CUX2: variants seen among roughly 807,000 people sequenced by gnomAD.
The protein encoded by CUX2 is homeobox protein cut-like 2.
A neutral mutation model predicts 144.8 loss-of-function variants in CUX2; 40 were observed. That is an observed-to-expected ratio of 0.28 (90% CI 0.21 to 0.36). CUX2 has a LOEUF of 0.36. Ranked by LOEUF, CUX2 falls within the 10% of genes least tolerant of loss-of-function variation. The pLI is 1.00. For synonymous variants in CUX2, 827 were observed against 875.6 expected, an observed-to-expected ratio of 0.94 and a Z score of 0.98; for missense variants, 1,615 against 1,994.0, an observed-to-expected ratio of 0.81 and a Z score of 3.62.
In CUX2 at chr12:111,310,422, G is replaced by A. The variant is rs2136373939; in HGVS notation, c.1640G>A (p.Gly547Glu). The A allele has an allele frequency of 6.2e-7, 1 of 1,612,124 alleles. No individual in the cohort carries two copies. Among genetic ancestry groups the A allele is most frequent in the Non-Finnish European group, 8.5e-7 (1 of 1,179,578 alleles). Residue 547 changes from glycine (G) to glutamate (E), a missense_variant, in exon 15 of 22, where the codon GGG becomes GAG. This residue lies in a region of CUX2 where 154 missense variants were observed against 148.4 expected (regional missense o/e 1.04). Coordinates refer to ENST00000261726, the MANE Select transcript of CUX2 (RefSeq NM_015267.4). This position sits in a 1 kb window ranked among gnomAD's most constrained non-coding sequence, Gnocchi z 7.9. ...GGTGGGGGCGGAGCGGCGGGGCCCG[G>A]GGCAGAGGAGGAGCAGCTGGACACG... is the stretch of plus-strand genomic sequence containing the variant. ...DGGGGGAAGP[G>E]AEEEQLDTAE...
intron 1 of CUX2, among the ~76,000 whole-genome samples, chr12:111,047,437 C>CT (rs1397811666): frequency 6.6e-6 from 1 of 152,098 alleles, no homozygotes; most frequent in Non-Finnish European, 1.5e-5. Flanking sequence ...CTTATAAGCT[C>CT]TTTCTTTCCA....
Position 111,171,954 on chromosome 12 carries a change from TGTGC to T in CUX2, c.64-42241_64-42238del, listed in dbSNP as rs1878549428. ...CTGTGCCTGTGTACACGTGCGTGTG[TGTGC>T]GTGCATGTGCATGCACCTGTGTGTG... is the stretch of plus-strand genomic sequence containing the variant. On this transcript the variant is annotated intron_variant, in intron 1 of 21. Transcript: ENST00000261726. This position sits in a 1 kb window ranked among gnomAD's most constrained non-coding sequence, Gnocchi z 5.0. Among the ~76,000 whole-genome samples the T allele has an allele frequency of 2.0e-5, 3 of 152,204 alleles. No homozygotes were observed. The highest frequency in any genetic ancestry group is 6.5e-5 in the Admixed American group (1 of 15,286).
intron 1 of CUX2, among the ~76,000 whole-genome samples, chr12:111,054,927 C>T (rs1443551824): frequency 6.6e-6 from 1 of 152,142 alleles, no homozygotes; most frequent in East Asian, 1.9e-4. Flanking sequence ...ACACCCGGCC[C>T]TAGACACTCT....
Position 111,266,021 on chromosome 12 carries a change from G to A in CUX2, c.301+2182G>A, listed in dbSNP as rs117097343. Among the ~76,000 whole-genome samples, 825 of 152,330 alleles carry A rather than the reference G, an allele frequency of 5.4e-3. 5 individuals carry two copies. The highest frequency in any genetic ancestry group is 9.7e-3 in the Non-Finnish European group (661 of 68,024). ...CACTGTTCCTCTGTCTGGGGCAACTGTAGTGGGTTGGATAGTGTGGCCTCC... is the reference window on the plus strand; with the variant it reads ...CACTGTTCCTCTGTCTGGGGCAACTATAGTGGGTTGGATAGTGTGGCCTCC... On this transcript the variant is annotated intron_variant, in intron 4 of 21. Coordinates refer to ENST00000261726, the MANE Select transcript of CUX2 (RefSeq NM_015267.4).
chr12:111,117,945 A>T (rs1256304080), intron 1 of CUX2, among the ~76,000 whole-genome samples: 1 of 152,212 alleles, frequency 6.6e-6, no homozygotes, highest in African/African-American at 2.4e-5. Context: ...CAACATGCCC[A>T]AGGTCACACA....
intron 1 of CUX2, among the ~76,000 whole-genome samples, chr12:111,153,078 C>T (rs539436765): frequency 2.0e-5 from 3 of 152,238 alleles, no homozygotes; most frequent in East Asian, 3.9e-4. Context: ...CTCTGAATCC[C>T]GAAAGCCACC....
At chr12:111,159,202 G>A (rs745400056) in intron 1 of CUX2, among the ~76,000 whole-genome samples, 3 of 152,142 alleles carry the variant, frequency 2.0e-5, no homozygotes, top group East Asian at 3.9e-4. Flanking sequence ...GCTGGAATGC[G>A]GTGGCGCGAT....
At chr12:111,282,913 A>G (rs1398428974) in intron 4 of CUX2, among the ~76,000 whole-genome samples, 1 of 151,972 alleles carries the variant, frequency 6.6e-6, no homozygotes, top group East Asian at 1.9e-4. Flanking sequence ...TGCTTCTGAC[A>G]ATCTAGAGGA....
intron 1 of CUX2, among the ~76,000 whole-genome samples, chr12:111,147,990 TCTTAAAAA>T (rs1255436901): frequency 6.6e-6 from 1 of 152,158 alleles, no homozygotes; most frequent in South Asian, 2.1e-4. Flanking sequence ...TATGACAATT[TCTTAAAAA>T]CTTAAAACTA....
intron 1 of CUX2, among the ~76,000 whole-genome samples, chr12:111,174,842 T>C (rs905646606): frequency 2.0e-5 from 3 of 152,192 alleles, no homozygotes; most frequent in Non-Finnish European, 4.4e-5. Flanking sequence ...ACCGGAAATA[T>C]TAAGCAGATA....
chr12:111,122,022 C>A (rs978298653), intron 1 of CUX2, among the ~76,000 whole-genome samples: 2 of 152,126 alleles, frequency 1.3e-5, no homozygotes, highest in Non-Finnish European at 2.9e-5. Flanking sequence ...CTCATGCAGT[C>A]CCCTGCTGGA....
chr12:111,217,521 ACC>A (rs1881610246), intron 2 of CUX2, among the ~76,000 whole-genome samples: 1 of 152,024 alleles, frequency 6.6e-6, no homozygotes, highest in Non-Finnish European at 1.5e-5. Context: ...TCCAGCCCCC[ACC>A]CCACTCCAAA....
chr12:111,069,099 G>A (rs1253333449), intron 1 of CUX2, among the ~76,000 whole-genome samples: 3 of 152,100 alleles, frequency 2.0e-5, no homozygotes, highest in Non-Finnish European at 2.9e-5. Context: ...AGCAAGACTC[G>A]GTCTAAAAGA....
chr12:111,285,418 G>C (rs986382353), intron 4 of CUX2, among the ~76,000 whole-genome samples: 2 of 152,154 alleles, frequency 1.3e-5, no homozygotes, highest in African/African-American at 4.8e-5. Context: ...TTGTATCTAA[G>C]AGAGAATGGA....
chr12:111,156,985 C>CAAAAAAAA (rs1200398908), intron 1 of CUX2, among the ~76,000 whole-genome samples: 14 of 18,980 alleles, frequency 7.4e-4, no homozygotes, highest in East Asian at 2.0e-3. Flanking sequence ...AAACTTCTCT[C>CAAAAAAAA]AAAAAAAAAA....
rs60539275 is a variant in CUX2, at chr12:111,035,613, C to CTTTTTTTTT, written c.63+1381_63+1389dup. ...CAGTCTGGAGATAAAAAGGGACCCA[C>CTTTTTTTTT]TTTTTTTTTTTTTTTTAATCCGCCG... On this transcript the variant is annotated intron_variant, in intron 1 of 21. Coordinates refer to ENST00000261726, the MANE Select transcript of CUX2 (RefSeq NM_015267.4). The surrounding 1 kb of genome is among the most constrained non-coding windows in gnomAD (Gnocchi z 6.0). Among the ~76,000 whole-genome samples, 5 of 135,154 alleles carry CTTTTTTTTT rather than the reference C, an allele frequency of 3.7e-5. No homozygotes were observed. Among genetic ancestry groups the CTTTTTTTTT allele is most frequent in the Admixed American group, 1.5e-4 (2 of 13,652 alleles). 88.7% of individuals were successfully genotyped at this position (135,154 alleles called of 152,430 possible).
At chr12:111,090,055 A>G (rs1018361862) in intron 1 of CUX2, among the ~76,000 whole-genome samples, 1 of 152,162 alleles carries the variant, frequency 6.6e-6, no homozygotes, top group Admixed American at 6.5e-5. Context: ...AAGTGGAGGC[A>G]GGGAGGCCAG....
chr12:111,306,330 T>G (rs756769981), intron 10 of CUX2, among the ~76,000 whole-genome samples: 1 of 151,684 alleles, frequency 6.6e-6, no homozygotes, highest in South Asian at 2.1e-4. Context: ...TGTTTGGTTT[T>G]TTTTTTTTTT....
chr12:111,212,841 A>G (rs1032254860), intron 1 of CUX2, among the ~76,000 whole-genome samples: 10 of 152,218 alleles, frequency 6.6e-5, no homozygotes, highest in Admixed American at 6.5e-4. Context: ...TATTGAGCAG[A>G]TTTACTGACT....
Sources: allele counts gnomAD v4.1 joint callset (sites outside exome capture counted in the v4.1 genomes callset), GRCh38; gene constraint gnomAD v4.1.1; regional missense constraint gnomAD v4.1.1; non-coding constraint Gnocchi (gnomAD v3.1); transcripts MANE v1.5; gene names NCBI Gene and HGNC (gene_info 2026-07-23, HGNC 2026-07-21).